Variants in L3HYPDH observed in about 807,000 individuals in gnomAD.
The protein encoded by L3HYPDH is trans-L-3-hydroxyproline dehydratase, also known as trans-3-hydroxy-L-proline dehydratase.
A neutral mutation model predicts 26.5 loss-of-function variants in L3HYPDH; 32 were observed. The ratio of observed to expected loss-of-function variants is 1.21; its 90% confidence interval spans 0.91 to 1.62. The LOEUF is 1.62. Ranked by LOEUF, L3HYPDH falls within the 40% of genes most tolerant of loss-of-function variation. L3HYPDH has a pLI of 0.00. For missense variants in L3HYPDH, 554 were observed against 476.4 expected, an observed-to-expected ratio of 1.16 and a Z score of -1.52; for synonymous variants, 215 against 196.6, an observed-to-expected ratio of 1.09 and a Z score of -0.78.
In L3HYPDH at chr14:59,479,719, T is replaced by C. The variant is rs557553319; in HGVS notation, c.509-368A>G. On this transcript the variant is annotated intron_variant, in intron 1 of 4. Transcript: ENST00000247194. ...AAGGAAAATGTCTATTCCCCACTTG[T>C]ACTATGAGAGATGGTTTAAAATAGT... Among the ~76,000 whole-genome samples, 4 of 152,358 alleles carry C rather than the reference T, an allele frequency of 2.6e-5. 1 individual carries two copies. The South Asian group carries it at 6.2e-4, about 24-fold the overall frequency.
upstream of L3HYPDH, chr14:59,485,208 GTATT>G: frequency 7.2e-7 from 1 of 1,391,496 alleles, no homozygotes. Flanking sequence ...ATATTCACGT[GTATT>G]TATTAAGCAT....
chr14:59,503,742 A>T, the L3HYPDH span: 1 of 162,770 alleles, frequency 6.1e-6, no homozygotes, highest in Non-Finnish European at 1.2e-5. Flanking sequence ...CAAACATTTT[A>T]TGATTCTGAG....
chr14:59,503,771 T>C, the L3HYPDH span: 14 of 761,704 alleles, frequency 1.8e-5, no homozygotes, highest in Non-Finnish European at 2.5e-5. Context: ...TAATACATTT[T>C]ATATTAAGTT....
chr14:59,475,987 C>T lies in L3HYPDH; in HGVS notation c.821G>A (p.Gly274Asp), dbSNP rs754393738. The T allele has an allele frequency of 3.7e-6, 6 of 1,613,820 alleles. No homozygotes were observed. In the East Asian group the frequency reaches 1.1e-4, roughly 30 times the overall value. Reference protein sequence around the residue: ...ADEQVDRSPTGSGVTARIALQ... With the variant: ...ADEQVDRSPTDSGVTARIALQ... The stretch of plus-strand genomic sequence containing the variant: ...GGCAATTCGGGCTGTCACTCCTGAG[C>T]CAGTGGGACTTCTGTCAACCTGTTT... Residue 274 changes from glycine (G) to aspartate (D), a missense_variant, in exon 4 of 5, where the codon GGC (glycine) becomes GAC (aspartate). By Grantham distance (94) the Gly-to-Asp change is moderately conservative. Coordinates refer to ENST00000247194, the MANE Select transcript of L3HYPDH (RefSeq NM_144581.2).
chr14:59,498,705 A>C, the L3HYPDH span: 1 of 1,263,516 alleles, frequency 7.9e-7, no homozygotes, highest in East Asian at 2.5e-5. Context: ...TGATGTTACA[A>C]ATTCTTTATT....
rs1410688984 is a variant in L3HYPDH at position 59,483,876 on chromosome 14, T to G, written c.441A>C (p.Ala147=). 6.3e-7 allele frequency: 1 copy of G among 1,578,168 alleles called. No individual in the cohort carries two copies. The highest frequency in any genetic ancestry group is 1.1e-5 in the South Asian group (1 of 87,766). Reference sequence around the variant, plus strand: ...GTCCGTGGCTGCGGCCGTCCTCGCATGCCACGAAGGCGGTCACCAGCCCGC... The same window carrying G: ...GTCCGTGGCTGCGGCCGTCCTCGCAGGCCACGAAGGCGGTCACCAGCCCGC... ...CPCGLVTAFV[A]CEDGRSHGPV... The change falls in exon 1 of 5, where the codon GCA becomes GCC. Residue 147 remains alanine, a synonymous_variant. Coordinates refer to ENST00000247194, the MANE Select transcript of L3HYPDH (RefSeq NM_144581.2).
Position 59,483,888 on chromosome 14 carries a change from G to T in L3HYPDH, c.429C>A (p.Thr143=). The change falls in exon 1 of 5, where the codon ACC becomes ACA. Residue 143 remains threonine (T), a synonymous_variant. Transcript: ENST00000247194. Reference sequence around the variant, plus strand: ...GGCCGTCCTCGCATGCCACGAAGGCGGTCACCAGCCCGCAGGGGCAGTGGA... The same window carrying T: ...GGCCGTCCTCGCATGCCACGAAGGCTGTCACCAGCCCGCAGGGGCAGTGGA... ...VNIHCPCGLV[T]AFVACEDGRS... is the part of the protein sequence containing the mutation. 1 of 1,570,678 alleles carries T rather than the reference G, an allele frequency of 6.4e-7. No homozygotes were observed. The highest frequency in any genetic ancestry group is 2.3e-5 in the East Asian group (1 of 42,896).
the L3HYPDH span, among the ~76,000 whole-genome samples, chr14:59,502,362 C>A: frequency 6.6e-6 from 1 of 152,164 alleles, no homozygotes; most frequent in Non-Finnish European, 1.5e-5. Flanking sequence ...TCTCAGACTA[C>A]CCATGACAGT....
At chr14:59,490,229 T>G in the L3HYPDH span, among the ~76,000 whole-genome samples, 1 of 152,134 alleles carries the variant, frequency 6.6e-6, no homozygotes, top group Non-Finnish European at 1.5e-5. Flanking sequence ...GCCACCAGGA[T>G]CTTTTAAACA....
At chr14:59,505,211 T>G in the L3HYPDH span, 3 of 1,262,046 alleles carry the variant, frequency 2.4e-6, no homozygotes, top group East Asian at 7.7e-5. Context: ...AGTCTGTCTT[T>G]TGAATTCACA....
chr14:59,472,457 CAA>C (rs1231758265), downstream of L3HYPDH, among the ~76,000 whole-genome samples: 125 of 152,282 alleles, frequency 8.2e-4, no homozygotes, highest in African/African-American at 1.8e-3. Context: ...GCAGCTATAA[CAA>C]AGAAGCTGAC....
At chr14:59,466,151 A>C (rs1210576604) in intron 1 of L3HYPDH, among the ~76,000 whole-genome samples, 1 of 152,188 alleles carries the variant, frequency 6.6e-6, no homozygotes, top group East Asian at 1.9e-4. Flanking sequence ...TCAGGCCCCT[A>C]CTGGCTGATA....
intron 1 of L3HYPDH, among the ~76,000 whole-genome samples, chr14:59,467,104 G>A (rs898848371): frequency 2.6e-5 from 4 of 152,050 alleles, no homozygotes; most frequent in South Asian, 4.1e-4. Context: ...TTAAGCCACC[G>A]GCCAACACAG....
downstream of L3HYPDH, among the ~76,000 whole-genome samples, chr14:59,468,387 G>A (rs1461739488): frequency 1.3e-5 from 2 of 152,018 alleles, no homozygotes; most frequent in African/African-American, 2.4e-5. Flanking sequence ...TGGCTTTTAT[G>A]ACTTCCTTAA....
At chr14:59,473,543 G>A (rs1237770082) in intron 4 of L3HYPDH, among the ~76,000 whole-genome samples, 1 of 152,136 alleles carries the variant, frequency 6.6e-6, no homozygotes, top group Non-Finnish European at 1.5e-5. Flanking sequence ...TAAACACAAT[G>A]GGGAGAGAAA....
the L3HYPDH span, chr14:59,498,837 A>G: frequency 1.9e-6 from 3 of 1,613,018 alleles, no homozygotes; most frequent in East Asian, 2.2e-5. Context: ...GATCGATTTA[A>G]AAGTATTTAT....
At chr14:59,475,779 G>A in intron 4 of L3HYPDH, 90 bp downstream of exon 4, 1 of 1,266,838 alleles carries the variant, frequency 7.9e-7, no homozygotes, top group Non-Finnish European at 1.1e-6. Context: ...TCTGAGAGCT[G>A]AGTGAAGAAA....
upstream of L3HYPDH, chr14:59,484,887 G>A (rs186041133): frequency 1.2e-4 from 162 of 1,327,394 alleles, no homozygotes; most frequent in East Asian, 3.9e-3. Context: ...ACTTGCTTGA[G>A]GGTTGACTTC....
At chr14:59,470,626 T>C (rs1439499167), downstream of L3HYPDH, among the ~76,000 whole-genome samples, 5 of 152,126 alleles carry the variant, frequency 3.3e-5, no homozygotes, top group African/African-American at 1.2e-4. Context: ...AGTTGCCTGT[T>C]CTAAAATGGA....
Sources: allele counts gnomAD v4.1 joint callset (sites outside exome capture counted in the v4.1 genomes callset), GRCh38; gene constraint gnomAD v4.1.1; transcripts MANE v1.5; gene names NCBI Gene and HGNC (gene_info 2026-07-23, HGNC 2026-07-21).